Variants in ARHGAP19 observed in about 807,000 individuals in gnomAD.
ARHGAP19 encodes rho GTPase-activating protein 19.
ARHGAP19 carries 48 observed loss-of-function variants against 60.9 expected under a neutral mutation model. The observed-to-expected ratio is 0.79, with a 90% confidence interval of 0.62 to 1.00. ARHGAP19 has a LOEUF of 1.00. ARHGAP19 is among the 50% of genes least tolerant of loss of function. ARHGAP19 has a pLI of 0.00. For missense variants in ARHGAP19, 562 were observed against 597.2 expected, an observed-to-expected ratio of 0.94 and a Z score of 0.61; for synonymous variants, 209 against 215.5, an observed-to-expected ratio of 0.97 and a Z score of 0.27.
At chr10:97,286,523 C>CG (rs1427329793) in intron 1 of ARHGAP19, among the ~76,000 whole-genome samples, 1 of 152,182 alleles carries the variant, frequency 6.6e-6, no homozygotes, top group African/African-American at 2.4e-5. Flanking sequence ...ACCCAGAAGG[C>CG]GGAGGTTGCA....
intron 1 of ARHGAP19, among the ~76,000 whole-genome samples, chr10:97,274,493 TA>T (rs1284531452): frequency 1.3e-5 from 2 of 151,534 alleles, no homozygotes; most frequent in African/African-American, 2.4e-5. Flanking sequence ...CCTGAAGTGC[TA>T]ATACTGTTCT....
At chr10:97,226,383 A>C (rs946943428) in intron 11 of ARHGAP19, among the ~76,000 whole-genome samples, 24 of 152,366 alleles carry the variant, frequency 1.6e-4, no homozygotes, top group Non-Finnish European at 3.1e-4. Context: ...ATTTATGTAC[A>C]TTATTTATCC....
At chr10:97,271,030 G>A (rs1024698399) in intron 1 of ARHGAP19, among the ~76,000 whole-genome samples, 14 of 151,994 alleles carry the variant, frequency 9.2e-5, no homozygotes, top group African/African-American at 3.1e-4. Flanking sequence ...ATCTAAATAT[G>A]AAAAGCCAAA....
intron 1 of ARHGAP19, among the ~76,000 whole-genome samples, chr10:97,282,051 G>A (rs1464271669): frequency 6.6e-6 from 1 of 152,146 alleles, no homozygotes; most frequent in Admixed American, 6.6e-5. Flanking sequence ...CCCTTCCTCT[G>A]GTAACAGCAC....
chr10:97,237,848 G>A (rs1479852100), intron 8 of ARHGAP19, among the ~76,000 whole-genome samples: 1 of 151,722 alleles, frequency 6.6e-6, no homozygotes, highest in Non-Finnish European at 1.5e-5. Flanking sequence ...TCCAGCCTGG[G>A]CGAAAGAGCG....
chr10:97,243,711 C>T (rs1462977612), intron 8 of ARHGAP19, among the ~76,000 whole-genome samples: 1 of 152,186 alleles, frequency 6.6e-6, no homozygotes, highest in Non-Finnish European at 1.5e-5. Flanking sequence ...GGTTATCTCT[C>T]AGCAAACTTG....
chr10:97,264,281 A>G (rs920564020), intron 3 of ARHGAP19, among the ~76,000 whole-genome samples: 1 of 152,054 alleles, frequency 6.6e-6, no homozygotes, highest in Non-Finnish European at 1.5e-5. Context: ...GCAAAATCCC[A>G]TCTCTACAAA....
intron 9 of ARHGAP19, among the ~76,000 whole-genome samples, 158 bp downstream of exon 9, chr10:97,235,059 C>T (rs868620766): frequency 3.2e-4 from 48 of 152,122 alleles, no homozygotes; most frequent in Admixed American, 2.0e-4. Context: ...AAGCACTTTG[C>T]AATATAAAAG....
At chr10:97,284,951 C>T (rs940237811) in intron 1 of ARHGAP19, among the ~76,000 whole-genome samples, 3 of 150,822 alleles carry the variant, frequency 2.0e-5, no homozygotes, top group African/African-American at 7.3e-5. Context: ...ACAACCTCCG[C>T]CTCCCAGGTT....
Position 97,253,424 on chromosome 10 carries a change from AAAG to A in ARHGAP19, c.927+2891_927+2893del, listed in dbSNP as rs796415849. Among the ~76,000 whole-genome samples, 88 of 152,132 alleles carry A rather than the reference AAAG, an allele frequency of 5.8e-4. 2 individuals are homozygous for A. The highest frequency in any genetic ancestry group is 1.6e-3 in the Admixed American group (24 of 15,264). On this transcript the variant is annotated intron_variant, in intron 6 of 11. Transcript: ENST00000358531. ...CATCTCATGGTGAGGGAGAAAAAGA[AAAG>A]AAAAGAAAAAAAGATTGATCTCATA...
At chr10:97,259,024 C>T (rs1045894656) in intron 5 of ARHGAP19, among the ~76,000 whole-genome samples, 3 of 152,338 alleles carry the variant, frequency 2.0e-5, no homozygotes, top group Admixed American at 1.3e-4. Flanking sequence ...CATAAGATCA[C>T]ACAGCTCTAT....
At position 97,229,795 on chromosome 10, in the gene ARHGAP19, A is replaced by C. The variant is rs143918340; in HGVS notation, c.1364T>G (p.Leu455Trp). The change falls in exon 10 of 12, where the codon TTG becomes TGG. Residue 455 changes from leucine (L) to tryptophan (W), a missense_variant. Leu to Trp is a moderately conservative substitution (Grantham distance 61, BLOSUM62 -2). Coordinates refer to ENST00000358531, the MANE Select transcript of ARHGAP19 (RefSeq NM_032900.6). ...PTPESVAIGE[L>W]KGTSKENRNL... ...CCTATTTTCTTTGCTGGTTCCCTTCAATTCACCAATGGCCACAGATTCTGG... is the reference window on the plus strand; with the variant it reads ...CCTATTTTCTTTGCTGGTTCCCTTCCATTCACCAATGGCCACAGATTCTGG... 1.9e-6 allele frequency: 3 copies of C among 1,612,234 alleles called. No homozygotes were observed. The highest frequency in any genetic ancestry group is 2.5e-6 in the Non-Finnish European group (3 of 1,178,670).
intron 8 of ARHGAP19, among the ~76,000 whole-genome samples, chr10:97,236,124 C>T (rs1289321644): frequency 6.6e-6 from 1 of 151,986 alleles, no homozygotes; most frequent in Admixed American, 6.6e-5. Flanking sequence ...TACAGGCGTG[C>T]GCCACCACAC....
At chr10:97,288,505 G>C (rs10882890) in intron 1 of ARHGAP19, among the ~76,000 whole-genome samples, 15 of 151,114 alleles carry the variant, frequency 9.9e-5, no homozygotes, top group East Asian at 2.0e-4. Flanking sequence ...GCTTGAACTC[G>C]GGGGGGCAGA....
At chr10:97,255,160 C>G (rs1439135665) in intron 6 of ARHGAP19, among the ~76,000 whole-genome samples, 1 of 152,116 alleles carries the variant, frequency 6.6e-6, no homozygotes, top group Non-Finnish European at 1.5e-5. Context: ...TACACAACAA[C>G]GTGAATGTAC....
intron 5 of ARHGAP19, among the ~76,000 whole-genome samples, chr10:97,257,425 G>C (rs1365947536): frequency 6.6e-6 from 1 of 151,306 alleles, no homozygotes; most frequent in Admixed American, 6.6e-5. Flanking sequence ...GTAGCTAGGA[G>C]TATAGGCATG....
intron 6 of ARHGAP19, among the ~76,000 whole-genome samples, chr10:97,255,377 C>A (rs998148595): frequency 1.1e-4 from 16 of 152,068 alleles, no homozygotes; most frequent in African/African-American, 3.9e-4. Context: ...GAGTTCAAGA[C>A]CAGCCTGGGC....
At chr10:97,251,927 G>A (rs1842688529) in intron 6 of ARHGAP19, among the ~76,000 whole-genome samples, 1 of 150,770 alleles carries the variant, frequency 6.6e-6, no homozygotes, top group Non-Finnish European at 1.5e-5. Context: ...AATTCATAGA[G>A]AAACAACAAG....
At chr10:97,274,738 G>C (rs1017258896) in intron 1 of ARHGAP19, among the ~76,000 whole-genome samples, 1 of 152,000 alleles carries the variant, frequency 6.6e-6, no homozygotes, top group African/African-American at 2.4e-5. Flanking sequence ...ATATACTAAA[G>C]ACTAATTTCC....
Sources: gnomAD v4.1 joint callset for allele counts (sites outside exome capture counted in the v4.1 genomes callset) on GRCh38, gnomAD v4.1.1 for gene constraint, MANE v1.5 for transcripts, NCBI Gene and HGNC (gene_info 2026-07-23, HGNC 2026-07-21) for gene names.